The following DYRK4 variants were observed in gnomAD, a reference collection of about 807,000 sequenced individuals.
DYRK4 encodes the protein dual specificity tyrosine phosphorylation regulated kinase 4, also known as dual specificity tyrosine-phosphorylation-regulated kinase 4.
DYRK4 carries 64 observed loss-of-function variants against 68.3 expected under a neutral mutation model. The observed-to-expected ratio is 0.94, with a 90% CI of 0.77 to 1.15. The LOEUF (loss-of-function observed/expected upper bound fraction) is 1.15, where lower values mean the gene tolerates loss of function less well. DYRK4 is among the 50% of genes most tolerant of loss of function. The pLI is 0.00. For missense variants in DYRK4, 740 were observed against 764.7 expected (o/e 0.97, Z 0.38); for synonymous variants, 274 against 289.9 (o/e 0.95, Z 0.56).
intron 10 of DYRK4, chr12:4,602,572 G>T (rs1945093798): frequency 2.3e-6 from 3 of 1,294,210 alleles, no homozygotes. Context: ...CTCTCCTGTT[G>T]ATGAGTGAGT....
intron 2 of DYRK4, among the ~76,000 whole-genome samples, chr12:4,573,952 G>A (rs991013632): frequency 2.6e-5 from 4 of 152,022 alleles, no homozygotes; most frequent in Non-Finnish European, 5.9e-5. Flanking sequence ...CAGGCCCCGC[G>A]CAGTGGCTCA....
rs1944633951 is a variant in DYRK4 at position 4,562,285 on chromosome 12, T to G, written c.38+2T>G. 6.5e-7 allele frequency: 1 copy of G among 1,531,550 alleles called. No individual in the cohort carries two copies. Among genetic ancestry groups the G allele is most frequent in the Admixed American group, 2.0e-5 (1 of 50,558 alleles). The allele number at this position is 1,531,550 out of a possible 1,614,324, so 94.9% of individuals were successfully genotyped here. ...GCCGCCTATCCGCACCGGAACAAAG[T>G]AAGGGCCGCGGAGGCTCGTACTTCA... On this transcript the variant is annotated splice_donor_variant, in intron 1 of 14. Coordinates refer to ENST00000543431, the MANE Select transcript of DYRK4 (RefSeq NM_001394779.1). LOFTEE classifies it high-confidence loss of function.
intron 10 of DYRK4, chr12:4,603,415 A>ATTCAT (rs1945103414): frequency 2.4e-6 from 1 of 411,204 alleles, no homozygotes; most frequent in Non-Finnish European, 4.6e-6. Context: ...CTTTATTTTC[A>ATTCAT]TTCATTTTCC....
chr12:4,605,672 A>G (rs1455947596), intron 11 of DYRK4, among the ~76,000 whole-genome samples: 1 of 151,334 alleles, frequency 6.6e-6, no homozygotes, highest in Non-Finnish European at 1.5e-5. Context: ...TAATTATTGA[A>G]AATAAAATGT....
intron 2 of DYRK4, among the ~76,000 whole-genome samples, chr12:4,585,090 A>G (rs1944882667): frequency 6.6e-6 from 1 of 152,160 alleles, no homozygotes; most frequent in African/African-American, 2.4e-5. Context: ...ATGTCACCGC[A>G]GTGTTCAGAT....
chr12:4,590,927 G>T (rs887198645), intron 4 of DYRK4: 2 of 499,318 alleles, frequency 4.0e-6, no homozygotes, highest in Non-Finnish European at 6.9e-6. Flanking sequence ...TGCTGGGGTT[G>T]TCAGCAGCAT....
intron 1 of DYRK4, 39 bp from the exon 2 acceptor site, chr12:4,567,916 C>G: frequency 1.3e-6 from 2 of 1,505,414 alleles, no homozygotes; most frequent in Non-Finnish European, 1.8e-6. Flanking sequence ...TTAGATTTGA[C>G]TCCTCCTGCC....
At chr12:4,594,800 T>C (rs1283120210) in intron 6 of DYRK4, among the ~76,000 whole-genome samples, 1 of 151,972 alleles carries the variant, frequency 6.6e-6, no homozygotes, top group South Asian at 2.1e-4. Context: ...TGCATTCCAG[T>C]ACACACACAA....
At chr12:4,589,918 G>A (rs1365666807) in intron 3 of DYRK4, among the ~76,000 whole-genome samples, 1 of 152,178 alleles carries the variant, frequency 6.6e-6, no homozygotes, top group Non-Finnish European at 1.5e-5. Context: ...GAACTTCCCT[G>A]CGTTAGGGTG....
chr12:4,596,622 C>A lies in DYRK4; in HGVS notation c.798C>A (p.Ile266=). 1 of 1,614,126 alleles carries A rather than the reference C, an allele frequency of 6.2e-7. No individual in the cohort carries two copies. Among genetic ancestry groups the A allele is most frequent in the South Asian group, 1.1e-5 (1 of 91,056 alleles). ...AGCAGGCCCTGATGGAGCTGAAGAT[C>A]CTGGAAGCTCTCAGAAAGAAGGACA... ...FHQQALMELK[I]LEALRKKDKD... is the part of the protein sequence containing the mutation. The change falls in exon 8 of 15, where the codon ATC becomes ATA. Residue 266 remains isoleucine (I), a synonymous_variant. Transcript: ENST00000543431.
At chr12:4,602,024 G>T in intron 10 of DYRK4, 1 of 343,354 alleles carries the variant, frequency 2.9e-6, no homozygotes, top group South Asian at 3.3e-5. Context: ...ATTTTCACAA[G>T]GCCTCTTAGA....
chr12:4,584,836 T>C lies in DYRK4; in HGVS notation c.133-4101T>C, dbSNP rs188810344. Among the ~76,000 whole-genome samples the C allele has an allele frequency of 6.1e-3, 924 of 152,310 alleles. 14 individuals carry two copies. The highest frequency in any genetic ancestry group is 0.021 in the African/African-American group (866 of 41,562). ...TCCCAAAGTGCTGGGATTACAGGCGTGAGCCACCGCGCCTGGCCTCTAATC... is the reference window on the plus strand; with the variant it reads ...TCCCAAAGTGCTGGGATTACAGGCGCGAGCCACCGCGCCTGGCCTCTAATC... On this transcript the variant is annotated intron_variant, in intron 2 of 14. Coordinates refer to ENST00000543431, the MANE Select transcript of DYRK4 (RefSeq NM_001394779.1).
intron 2 of DYRK4, among the ~76,000 whole-genome samples, chr12:4,578,349 C>T (rs1944809491): frequency 6.6e-6 from 1 of 150,868 alleles, no homozygotes; most frequent in East Asian, 1.9e-4. Flanking sequence ...CTGTCTTTTC[C>T]AGTTCATTCA....
At chr12:4,586,926 A>G (rs1944903778) in intron 2 of DYRK4, among the ~76,000 whole-genome samples, 2 of 152,234 alleles carry the variant, frequency 1.3e-5, no homozygotes, top group South Asian at 2.1e-4. Context: ...TGAGGTTGGT[A>G]CTAATATTAT....
At chr12:4,587,234 A>G (rs962189793) in intron 2 of DYRK4, among the ~76,000 whole-genome samples, 2 of 152,124 alleles carry the variant, frequency 1.3e-5, no homozygotes, top group African/African-American at 4.8e-5. Context: ...TGAGCAGGGA[A>G]GAGCCCTGGA....
intron 2 of DYRK4, among the ~76,000 whole-genome samples, chr12:4,576,943 C>A (rs1002261868): frequency 2.6e-5 from 4 of 152,128 alleles, no homozygotes; most frequent in Admixed American, 2.0e-4. Flanking sequence ...TATTTTCTAC[C>A]AGTCTATGGT....
intron 9 of DYRK4, 39 bp from the exon 10 acceptor site, chr12:4,599,668 C>A (rs747288640): frequency 7.2e-6 from 11 of 1,533,524 alleles, no homozygotes; most frequent in Middle Eastern, 3.4e-4. Flanking sequence ...CCTAGGGCCG[C>A]ATTACTGTAG....
At chr12:4,606,441 G>A (rs75299762) in intron 11 of DYRK4, among the ~76,000 whole-genome samples, 179 of 152,208 alleles carry the variant, frequency 1.2e-3, no homozygotes, top group African/African-American at 4.1e-3. Flanking sequence ...TTTCATGATC[G>A]AAACTAATAA....
At chr12:4,599,377 CGTGCAAGCAAGGCCTAG>C (rs752118668) in intron 9 of DYRK4, among the ~76,000 whole-genome samples, 2 of 150,768 alleles carry the variant, frequency 1.3e-5, no homozygotes, top group Non-Finnish European at 2.9e-5. Context: ...TTTCTAAGGC[CGTGCAAGCAAGGCCTAG>C]AACCAGGTGC....
Sources: gnomAD v4.1 joint callset for allele counts (sites outside exome capture counted in the v4.1 genomes callset) on GRCh38, gnomAD v4.1.1 for gene constraint, MANE v1.5 for transcripts, NCBI Gene and HGNC (gene_info 2026-07-23, HGNC 2026-07-21) for gene names.